APBB2: variants seen among roughly 807,000 people sequenced by gnomAD.
The protein encoded by APBB2 is Fe65-like 1.
APBB2 carries 38 observed loss-of-function variants against 82.5 expected under a neutral mutation model. The ratio of observed to expected loss-of-function variants is 0.46; its 90% CI spans 0.36 to 0.60. APBB2 has a LOEUF of 0.60. Ranked by LOEUF, APBB2 falls within the 20% of genes least tolerant of loss-of-function variation. The probability of loss-of-function intolerance (pLI) is 0.00; values close to 1 mark genes in which losing one functional copy is unlikely to be tolerated. For missense variants in APBB2, 772 were observed against 972.3 expected (o/e 0.79, Z 2.74); for synonymous variants, 341 against 368.2 (o/e 0.93, Z 0.85).
intron 3 of APBB2, among the ~76,000 whole-genome samples, chr4:41,098,442 C>G (rs1033413813): frequency 3.3e-5 from 5 of 152,144 alleles, no homozygotes; most frequent in African/African-American, 9.7e-5. Flanking sequence ...CTCTGCCCCC[C>G]AAAAGTGTTG....
chr4:40,935,542 C>T (rs1052661534), intron 7 of APBB2: 6 of 160,886 alleles, frequency 3.7e-5, no homozygotes, highest in Admixed American at 6.4e-5. Flanking sequence ...GAATGAGGGA[C>T]GGGTACCGTG....
At chr4:40,945,991 G>A (rs940507401) in intron 6 of APBB2, among the ~76,000 whole-genome samples, 7 of 152,138 alleles carry the variant, frequency 4.6e-5, no homozygotes, top group African/African-American at 1.4e-4. Context: ...CCAGCAATTC[G>A]GGAGGCCGAG....
At chr4:41,033,895 T>G (rs1422402482) in intron 4 of APBB2, among the ~76,000 whole-genome samples, 1 of 152,160 alleles carries the variant, frequency 6.6e-6, no homozygotes, top group Non-Finnish European at 1.5e-5. Context: ...CATAAATCAC[T>G]AGCTTCACTC....
intron 10 of APBB2, among the ~76,000 whole-genome samples, chr4:40,925,535 C>G (rs986424805): frequency 6.6e-6 from 1 of 152,138 alleles, no homozygotes; most frequent in Non-Finnish European, 1.5e-5. Context: ...TCCTTTCGCA[C>G]TTAGCATTCA....
chr4:40,972,897 G>C (rs963639956), intron 6 of APBB2, among the ~76,000 whole-genome samples: 1 of 152,186 alleles, frequency 6.6e-6, no homozygotes, highest in East Asian at 1.9e-4. Context: ...TGCTTAATAA[G>C]AATTTGCTAA....
intron 12 of APBB2, among the ~76,000 whole-genome samples, chr4:40,869,615 A>C (rs1369666226): frequency 2.0e-5 from 3 of 152,080 alleles, no homozygotes; most frequent in Non-Finnish European, 4.4e-5. Flanking sequence ...AGAGGCCTAA[A>C]AATAAGGCAA....
intron 12 of APBB2, chr4:40,879,859 T>C (rs1317535124): frequency 4.2e-6 from 1 of 239,252 alleles, no homozygotes; most frequent in African/African-American, 2.3e-5. Flanking sequence ...ACCCAGCTGA[T>C]TTTTGTATTT....
At position 40,979,237 on chromosome 4, in the gene APBB2, T is replaced by C. The variant is rs186116083; in HGVS notation, c.836-34164A>G. On this transcript the variant is annotated intron_variant, in intron 6 of 17. Coordinates refer to ENST00000508593, the MANE Select transcript of APBB2 (RefSeq NM_004307.2). The stretch of plus-strand genomic sequence containing the variant: ...AGATCTCTAGAAATTAATATTTTTA[T>C]GGAGTTGCTAGCAACTAAAAGACTT... Among the ~76,000 whole-genome samples, 189 of 152,310 alleles carry C rather than the reference T, an allele frequency of 1.2e-3. 1 individual carries two copies. The highest frequency in any genetic ancestry group is 4.4e-3 in the African/African-American group (181 of 41,572).
At chr4:41,181,340 G>A (rs1771286203) in intron 1 of APBB2, among the ~76,000 whole-genome samples, 1 of 152,196 alleles carries the variant, frequency 6.6e-6, no homozygotes, top group African/African-American at 2.4e-5. Context: ...TGGATAATGG[G>A]AGACGATGAA....
chr4:40,932,121 T>C (rs1231581799), intron 10 of APBB2, among the ~76,000 whole-genome samples: 1 of 152,166 alleles, frequency 6.6e-6, no homozygotes, highest in Non-Finnish European at 1.5e-5. Context: ...TACAATTCCA[T>C]CTCCATTCCA....
At chr4:40,964,559 G>C (rs1754156456) in intron 6 of APBB2, among the ~76,000 whole-genome samples, 1 of 152,068 alleles carries the variant, frequency 6.6e-6, no homozygotes, top group Non-Finnish European at 1.5e-5. Flanking sequence ...AGAGGAATGT[G>C]CGGGGTGCTC....
At chr4:40,822,076 A>G (rs1455420290) in intron 16 of APBB2, 26 bp from the exon 17 acceptor site, 1 of 1,612,058 alleles carries the variant, frequency 6.2e-7, no homozygotes. Context: ...TGCGGCATCC[A>G]ATCAGGAGAT....
chr4:41,037,126 T>C (rs1332356220), intron 4 of APBB2, among the ~76,000 whole-genome samples: 1 of 152,238 alleles, frequency 6.6e-6, no homozygotes, highest in African/African-American at 2.4e-5. Context: ...TTGACTCTTA[T>C]TGGAAAACAT....
At chr4:41,174,119 G>A (rs1769096427) in intron 1 of APBB2, among the ~76,000 whole-genome samples, 1 of 152,074 alleles carries the variant, frequency 6.6e-6, no homozygotes, top group South Asian at 2.1e-4. Flanking sequence ...ACTTTTTCAG[G>A]GTGTGTTAAA....
chr4:41,158,923 C>G (rs1764150003), intron 1 of APBB2, among the ~76,000 whole-genome samples: 1 of 152,122 alleles, frequency 6.6e-6, no homozygotes, highest in Non-Finnish European at 1.5e-5. Context: ...GTGTGTCTGC[C>G]TCCTGCACCA....
At chr4:41,114,316 G>A (rs62413792) in intron 2 of APBB2, among the ~76,000 whole-genome samples, 9,844 of 152,116 alleles carry the variant, frequency 0.065, 365 homozygotes, top group Middle Eastern at 0.13. Context: ...TTGATGGAAC[G>A]TATTTCAAAA....
intron 10 of APBB2, among the ~76,000 whole-genome samples, chr4:40,907,603 T>G (rs1777368114): frequency 6.6e-6 from 1 of 150,464 alleles, no homozygotes; most frequent in African/African-American, 2.4e-5. Flanking sequence ...ATTCCTGACC[T>G]CAGGTGATCT....
rs371000268 is a variant in APBB2 at position 40,949,901 on chromosome 4, C to T, written c.836-4828G>A. Among the ~76,000 whole-genome samples the T allele has an allele frequency of 2.0e-4, 31 of 152,252 alleles. 1 individual carries two copies. The highest frequency in any genetic ancestry group is 7.2e-4 in the African/African-American group (30 of 41,536). On this transcript the variant is annotated intron_variant, in intron 6 of 17. Transcript: ENST00000508593. ...TGGGAATACCTAAAAAACCTCCGCCCTGGAGAATGTTTTTCTATTTGGGTG... is the reference window on the plus strand; with the variant it reads ...TGGGAATACCTAAAAAACCTCCGCCTTGGAGAATGTTTTTCTATTTGGGTG...
At position 41,162,467 on chromosome 4, in the gene APBB2, T is replaced by C. The variant is rs990515979; in HGVS notation, c.-416-19325A>G. On this transcript the variant is annotated intron_variant, in intron 1 of 17. Transcript: ENST00000508593. ...ACAACGCTCTTCATTGTACCTTGCA[T>C]AAAGGAAGTGAGCTTAGACTCACCC... Among the ~76,000 whole-genome samples the C allele has an allele frequency of 4.6e-5, 7 of 152,342 alleles. No homozygotes were observed. The East Asian group carries it at 1.4e-3, about 29-fold the overall frequency.
Sources: allele counts gnomAD v4.1 joint callset (sites outside exome capture counted in the v4.1 genomes callset), GRCh38; gene constraint gnomAD v4.1.1; transcripts MANE v1.5; gene names NCBI Gene and HGNC (gene_info 2026-07-23, HGNC 2026-07-21).